Variants in GTPBP4 observed in about 807,000 individuals in gnomAD.
GTPBP4 encodes GTP binding protein 4, also known as GTP-binding protein 4.
GTPBP4 carries 15 observed loss-of-function variants against 81.7 expected under a neutral mutation model. That is an observed-to-expected ratio of 0.18 (90% CI 0.12 to 0.28). The LOEUF (loss-of-function observed/expected upper bound fraction) is 0.28. Ranked by LOEUF, GTPBP4 falls within the 10% of genes least tolerant of loss-of-function variation. The pLI, the probability that GTPBP4 is intolerant of heterozygous loss-of-function variation, is 1.00. For synonymous variants in GTPBP4, 272 were observed against 274.6 expected (o/e 0.99, Z 0.09); for missense variants, 847 against 793.8 (o/e 1.07, Z -0.81).
chr10:1,016,621 A>G (rs898780236), intron 16 of GTPBP4, among the ~76,000 whole-genome samples: 2 of 152,230 alleles, frequency 1.3e-5, no homozygotes, highest in Non-Finnish European at 2.9e-5. Context: ...CTGAGTCCTT[A>G]GCTTGTGTAA....
At chr10:1,010,324 C>T (rs574378207) in intron 12 of GTPBP4, 96 bp from the exon 13 acceptor site, 11 of 694,462 alleles carry the variant, frequency 1.6e-5, no homozygotes, top group East Asian at 1.3e-4. Context: ...GCAGTGGAGT[C>T]GTTGATTTGC....
intron 2 of GTPBP4, 22 bp from the exon 3 acceptor site, chr10:995,907 G>GGT (rs775691843): frequency 7.2e-7 from 1 of 1,384,252 alleles, no homozygotes; most frequent in Non-Finnish European, 1.0e-6. Flanking sequence ...AAGTGACCGT[G>GGT]GTGTGCTTTT....
At chr10:1,012,987 C>G (rs73590185) in intron 14 of GTPBP4, among the ~76,000 whole-genome samples, 2,442 of 151,950 alleles carry the variant, frequency 0.016, 71 homozygotes, top group African/African-American at 0.055. Flanking sequence ...TTCTCTCTCT[C>G]TTTTTTTTAG....
At position 1,012,582 on chromosome 10, in the gene GTPBP4, C is replaced by A. The variant is rs1831898560; in HGVS notation, c.1462C>A (p.Arg488=). The change falls in exon 14 of 17, where the codon CGA becomes AGA. Residue 488 remains arginine, a synonymous_variant. Transcript: ENST00000360803. ...AATCCGACAGCTGGCAAAGCAAATT[C>A]GAGAGAAAAAGAAGTTGAAAATTCT... ...LEIRQLAKQI[R]EKKKLKILES... The A allele has an allele frequency of 6.2e-7, 1 of 1,613,628 alleles. No individual in the cohort carries two copies. Among genetic ancestry groups the A allele is most frequent in the Non-Finnish European group, 8.5e-7 (1 of 1,179,786 alleles).
rs11541698 is a variant in GTPBP4 at position 1,010,441 on chromosome 10, T to C, written c.1265T>C (p.Leu422Ser). The change falls in exon 13 of 17, where the codon TTG (leucine) becomes TCG (serine). Residue 422 changes from leucine (L) to serine (S), a missense_variant. Leu to Ser is a moderately radical substitution (Grantham distance 145). Around this residue, in one of 3 missense-constraint regions of GTPBP4, gnomAD observed 600 missense variants for 557.1 expected, o/e 1.08. Coordinates refer to ENST00000360803, the MANE Select transcript of GTPBP4 (RefSeq NM_012341.3). The part of the protein sequence containing the change: ...DLQKYWDLMN[L>S]SEKHDKIPEI... ...TTAGAGTACTGGGATTTAATGAATTTGTCTGAAAAACATGATAAGATACCA... is the reference window on the plus strand; with the variant it reads ...TTAGAGTACTGGGATTTAATGAATTCGTCTGAAAAACATGATAAGATACCA... 6.4e-7 allele frequency: 1 copy of C among 1,566,156 alleles called. No individual in the cohort carries two copies. Among genetic ancestry groups the C allele is most frequent in the Non-Finnish European group, 8.8e-7 (1 of 1,136,262 alleles).
rs1265041851 is a variant in GTPBP4, at chr10:1,018,435, A to T, written c.*1208A>T. ...AGAGACTCCGTGTGAAAAAAAAAAA[A>T]AAAATACCAGGTCTGGTTTTTGAAA... On this transcript the variant is annotated 3_prime_UTR_variant, in exon 17 of 17. Transcript: ENST00000360803. 2 of 151,876 alleles carry T rather than the reference A, an allele frequency of 1.3e-5. No homozygotes were observed. Among genetic ancestry groups the T allele is most frequent in the Non-Finnish European group, 2.9e-5 (2 of 67,978 alleles). 9.4% of individuals were successfully genotyped at this position (151,876 alleles called of 1,614,324 possible).
chr10:999,716 T>G (rs1281915497), intron 6 of GTPBP4, among the ~76,000 whole-genome samples: 13 of 152,212 alleles, frequency 8.5e-5, no homozygotes, highest in African/African-American at 2.9e-4. Flanking sequence ...CCCAACACTT[T>G]GGGAGGCCAA....
At chr10:1,004,409 G>A (rs1245991550) in intron 8 of GTPBP4, among the ~76,000 whole-genome samples, 1 of 152,116 alleles carries the variant, frequency 6.6e-6, no homozygotes, top group South Asian at 2.1e-4. Context: ...GGTGGGGCAG[G>A]TGCCTCGGCT....
At position 996,015 on chromosome 10, in the gene GTPBP4, C is replaced by A; in HGVS notation, c.306C>A (p.Ala102=). The change falls in exon 3 of 17, where the codon GCC becomes GCA. Residue 102 remains alanine (A), a synonymous_variant. Transcript: ENST00000360803. ...TGGCTCTGGGGCAAATAAATATTGC[C>A]AAAAATTTAGTGGACAAGTAAGGTA... ...YKLALGQINI[A]KNLVDNVAKD... 1 of 1,606,644 alleles carries A rather than the reference C, an allele frequency of 6.2e-7. No individual in the cohort carries two copies. Among genetic ancestry groups the A allele is most frequent in the Non-Finnish European group, 8.5e-7 (1 of 1,173,326 alleles).
chr10:996,014 C>T lies in GTPBP4; in HGVS notation c.305C>T (p.Ala102Val). 6.2e-7 allele frequency: 1 copy of T among 1,606,834 alleles called. No homozygotes were observed. The highest frequency in any genetic ancestry group is 8.5e-7 in the Non-Finnish European group (1 of 1,173,492). ...YKLALGQINI[A>V]KNLVDNVAKD... ...TTGGCTCTGGGGCAAATAAATATTG[C>T]CAAAAATTTAGTGGACAAGTAAGGT... Residue 102 changes from alanine to valine, a missense_variant, in exon 3 of 17, where the codon GCC becomes GTC. Physicochemically the swap from Ala to Val is moderately conservative, Grantham distance 64. Transcript: ENST00000360803.
At chr10:1,001,052 A>G in intron 8 of GTPBP4, 39 bp downstream of exon 8, 1 of 1,389,212 alleles carries the variant, frequency 7.2e-7, no homozygotes, top group East Asian at 2.3e-5. Flanking sequence ...CTTACTTACC[A>G]ATTCTGAATT....
At chr10:991,689 C>CT (rs778451253) in intron 1 of GTPBP4, among the ~76,000 whole-genome samples, 1,073 of 74,460 alleles carry the variant, frequency 0.014, 7 homozygotes, top group Non-Finnish European at 0.016. Flanking sequence ...TAAAATTTAT[C>CT]TTTTTTTTTT....
chr10:993,004 G>A (rs1350572032), intron 2 of GTPBP4, among the ~76,000 whole-genome samples: 1 of 152,132 alleles, frequency 6.6e-6, no homozygotes, highest in African/African-American at 2.4e-5. Context: ...CAGCTCACTG[G>A]TTGTCTGGGC....
chr10:1,004,273 A>G (rs1831686625), intron 8 of GTPBP4, among the ~76,000 whole-genome samples: 2 of 152,116 alleles, frequency 1.3e-5, no homozygotes, highest in Admixed American at 1.3e-4. Flanking sequence ...TCCAGCTGTC[A>G]TTTGGGCCCT....
rs1832061792 is a variant in GTPBP4, at chr10:1,019,909, AAC to A, written c.*2686_*2687del. 1.8e-6 allele frequency: 2 copies of A among 1,106,166 alleles called. No individual in the cohort carries two copies. Among genetic ancestry groups the A allele is most frequent in the Non-Finnish European group, 2.7e-6 (2 of 746,282 alleles). 68.5% of individuals were successfully genotyped at this position (1,106,166 alleles called of 1,614,324 possible). A position where few individuals can be genotyped will look rare whatever the true frequency, so the allele number is the denominator to read the frequency against. On this transcript the variant is annotated 3_prime_UTR_variant, in exon 17 of 17. Coordinates refer to ENST00000360803, the MANE Select transcript of GTPBP4 (RefSeq NM_012341.3). ...AATTTACAGAAAAATAGAGAAAATAAACACATTTGTTTTCCTCAGAAAATGAA... is the reference window on the plus strand; with the variant it reads ...AATTTACAGAAAAATAGAGAAAATAAACATTTGTTTTCCTCAGAAAATGAA...
At position 1,019,887 on chromosome 10, in the gene GTPBP4, T is replaced by G. The variant is rs1350177523; in HGVS notation, c.*2660T>G. ...ACAACGCTAATGTAAAACACAGAATTTACAGAAAAATAGAGAAAATAAACA... is the reference window on the plus strand; with the variant it reads ...ACAACGCTAATGTAAAACACAGAATGTACAGAAAAATAGAGAAAATAAACA... On this transcript the variant is annotated 3_prime_UTR_variant, in exon 17 of 17. Coordinates refer to ENST00000360803, the MANE Select transcript of GTPBP4 (RefSeq NM_012341.3). 41 of 1,258,568 alleles carry G rather than the reference T, an allele frequency of 3.3e-5. No individual in the cohort carries two copies. Among genetic ancestry groups the G allele is most frequent in the Non-Finnish European group, 4.6e-5 (40 of 872,944 alleles). 78.0% of individuals were successfully genotyped at this position (1,258,568 alleles called of 1,614,324 possible). A position where few individuals can be genotyped will look rare whatever the true frequency, so the allele number is the denominator to read the frequency against.
chr10:1,007,555 T>C (rs1374134723), intron 10 of GTPBP4, among the ~76,000 whole-genome samples: 3 of 152,192 alleles, frequency 2.0e-5, no homozygotes, highest in Non-Finnish European at 2.9e-5. Context: ...GGCAACATAG[T>C]GGGACCCTGT....
At chr10:1,006,231 T>C (rs1831728767) in intron 9 of GTPBP4, among the ~76,000 whole-genome samples, 1 of 152,240 alleles carries the variant, frequency 6.6e-6, no homozygotes, top group Non-Finnish European at 1.5e-5. Flanking sequence ...CTGTTCGAAG[T>C]AGAAGGGAGA....
chr10:1,006,930 G>A, intron 9 of GTPBP4, 88 bp from the exon 10 acceptor site: 3 of 804,316 alleles, frequency 3.7e-6, no homozygotes, highest in Admixed American at 3.8e-5. Flanking sequence ...AGGCTCAGTG[G>A]CTCTGATCTG....
Sources: gnomAD v4.1 joint callset for allele counts (sites outside exome capture counted in the v4.1 genomes callset) on GRCh38, gnomAD v4.1.1 for gene constraint, gnomAD v4.1.1 regional missense constraint, MANE v1.5 for transcripts, NCBI Gene and HGNC (gene_info 2026-07-23, HGNC 2026-07-21) for gene names.